Variants in SLC31A1 observed in about 807,000 individuals in gnomAD.
The protein encoded by SLC31A1 is high affinity copper uptake protein 1.
Under a neutral mutation model 17.2 loss-of-function variants are expected in SLC31A1, and 5 were observed. The ratio of observed to expected loss-of-function variants is 0.29; its 90% CI spans 0.15 to 0.61. The LOEUF is 0.61. SLC31A1 is among the 20% of genes least tolerant of loss of function. SLC31A1 has a pLI of 0.86. For synonymous variants in SLC31A1, 76 were observed against 78.8 expected (o/e 0.96, Z 0.19); for missense variants, 161 against 241.4 (o/e 0.67, Z 2.21).
intron 3 of SLC31A1, among the ~76,000 whole-genome samples, chr9:113,257,624 T>TA (rs1185821849): frequency 6.6e-6 from 1 of 151,858 alleles, no homozygotes; most frequent in African/African-American, 2.4e-5. Context: ...TAGCTGGAGT[T>TA]AAACAGGCAC....
intron 1 of SLC31A1, among the ~76,000 whole-genome samples, chr9:113,241,166 C>T (rs549203731): frequency 2.0e-5 from 3 of 152,044 alleles, no homozygotes; most frequent in East Asian, 3.9e-4. Flanking sequence ...CTGTAACAGA[C>T]TTAAATGCCA....
chr9:113,261,549 C>G lies in SLC31A1; in HGVS notation c.*1076C>G, dbSNP rs888381238. 5.2e-5 allele frequency: 8 copies of G among 152,634 alleles called. No individual in the cohort carries two copies. The highest frequency in any genetic ancestry group is 1.7e-4 in the African/African-American group (7 of 41,464). 9.5% of individuals were successfully genotyped at this position (152,634 alleles called of 1,614,324 possible). ...TTTAAATAAAACCATTCACAGTTTACTTTGTCTTGATACCTTGGTTTGTCC... is the reference window on the plus strand; with the variant it reads ...TTTAAATAAAACCATTCACAGTTTAGTTTGTCTTGATACCTTGGTTTGTCC... On this transcript the variant is annotated 3_prime_UTR_variant, in exon 5 of 5. Coordinates refer to ENST00000374212, the MANE Select transcript of SLC31A1 (RefSeq NM_001859.4).
chr9:113,238,114 TC>T (rs1831483353), intron 1 of SLC31A1, among the ~76,000 whole-genome samples: 2 of 152,214 alleles, frequency 1.3e-5, no homozygotes, highest in African/African-American at 4.8e-5. Context: ...ATAGATGTTA[TC>T]TCCATGTTTC....
intron 1 of SLC31A1, among the ~76,000 whole-genome samples, chr9:113,237,415 T>C (rs1329069144): frequency 1.3e-5 from 2 of 152,164 alleles, no homozygotes; most frequent in African/African-American, 2.4e-5. Context: ...TCAACAGGAA[T>C]AGGTCTACGT....
chr9:113,246,513 G>T, intron 1 of SLC31A1, among the ~76,000 whole-genome samples: 1 of 151,668 alleles, frequency 6.6e-6, no homozygotes, highest in Non-Finnish European at 1.5e-5. Context: ...CACCACGCCC[G>T]GCTAATTTTT....
intron 2 of SLC31A1, 145 bp downstream of exon 2, chr9:113,256,422 C>A: frequency 4.7e-6 from 4 of 852,682 alleles, no homozygotes; most frequent in Non-Finnish European, 7.1e-6. Flanking sequence ...CAAGTCAAGT[C>A]ATTTGCTCCA....
intron 1 of SLC31A1, among the ~76,000 whole-genome samples, chr9:113,242,635 G>C (rs1831534444): frequency 6.6e-6 from 1 of 151,948 alleles, no homozygotes; most frequent in South Asian, 2.1e-4. Flanking sequence ...AAACTCCTGG[G>C]CTCATGTAAT....
At position 113,257,174 on chromosome 9, in the gene SLC31A1, A is replaced by G. The variant is rs777108607; in HGVS notation, c.191A>G (p.Asn64Ser). 2.5e-6 allele frequency: 4 copies of G among 1,613,564 alleles called. No homozygotes were observed. Among genetic ancestry groups the G allele is most frequent in the East Asian group, 2.2e-5 (1 of 44,876 alleles). The change falls in exon 3 of 5, where the codon AAT becomes AGT. Residue 64 changes from asparagine to serine, a missense_variant. Coordinates refer to ENST00000374212, the MANE Select transcript of SLC31A1 (RefSeq NM_001859.4). ...CTACTGTTTTCCGGTTTGGTGATCA[A>G]TACAGCTGGAGGTGAGTAAGCCATT... ...VELLFSGLVI[N>S]TAGEMAGAFV... is the part of the protein sequence containing the mutation.
At chr9:113,242,196 A>C (rs1021703471) in intron 1 of SLC31A1, among the ~76,000 whole-genome samples, 6 of 152,242 alleles carry the variant, frequency 3.9e-5, no homozygotes, top group Non-Finnish European at 8.8e-5. Context: ...CTCAAAAAAA[A>C]AAAACTAGAC....
chr9:113,224,755 C>G lies in SLC31A1; in HGVS notation c.-36+3077C>G, dbSNP rs79761064. 1.7e-4 allele frequency among the ~76,000 whole-genome samples: 26 copies of G among 152,266 alleles called. 1 individual carries two copies. In the East Asian group the frequency reaches 3.7e-3, roughly 21 times the overall value. The stretch of plus-strand genomic sequence containing the variant: ...GTGTGCTCACTTTTATCTGGTCTTT[C>G]GAAAGCATTCAGTGTGGTGTTTTAG... On this transcript the variant is annotated intron_variant, in intron 1 of 4. Transcript: ENST00000374212.
At chr9:113,241,768 A>T (rs1831524141) in intron 1 of SLC31A1, among the ~76,000 whole-genome samples, 1 of 152,236 alleles carries the variant, frequency 6.6e-6, no homozygotes, top group Non-Finnish European at 1.5e-5. Flanking sequence ...GTTGATAAAG[A>T]TGAGAAGGAA....
intron 1 of SLC31A1, among the ~76,000 whole-genome samples, chr9:113,255,315 CA>C (rs1370529814): frequency 6.6e-6 from 1 of 152,198 alleles, no homozygotes; most frequent in Non-Finnish European, 1.5e-5. Context: ...TAATGGCATT[CA>C]TTTGTATCTT....
chr9:113,260,378 C>G lies in SLC31A1; in HGVS notation c.478C>G (p.Leu160Val), dbSNP rs889486917. 2 of 1,614,188 alleles carry G rather than the reference C, an allele frequency of 1.2e-6. No individual in the cohort carries two copies. The highest frequency in any genetic ancestry group is 3.3e-5 in the Admixed American group (2 of 60,020). Reference sequence around the variant, plus strand: ...CATCTTCATGACCTACAACGGGTACCTCTGCATTGCAGTAGCAGCAGGGGC... The same window carrying G: ...CATCTTCATGACCTACAACGGGTACGTCTGCATTGCAGTAGCAGCAGGGGC... ...MLIFMTYNGY[L>V]CIAVAAGAGT... The change falls in exon 5 of 5, where the codon CTC becomes GTC. Residue 160 changes from leucine to valine, a missense_variant. Physicochemically the swap from Leu to Val is conservative, Grantham distance 32. Coordinates refer to ENST00000374212, the MANE Select transcript of SLC31A1 (RefSeq NM_001859.4).
chr9:113,261,020 G>A lies in SLC31A1; in HGVS notation c.*547G>A, dbSNP rs1342501794. The A allele has an allele frequency of 1.1e-5, 2 of 189,444 alleles. No homozygotes were observed. Among genetic ancestry groups the A allele is most frequent in the East Asian group, 1.3e-4 (1 of 7,698 alleles). 11.7% of individuals were successfully genotyped at this position (189,444 alleles called of 1,614,324 possible). A position where few individuals can be genotyped will look rare whatever the true frequency, so the allele number is the denominator to read the frequency against. On this transcript the variant is annotated 3_prime_UTR_variant, in exon 5 of 5. Coordinates refer to ENST00000374212, the MANE Select transcript of SLC31A1 (RefSeq NM_001859.4). ...CCATGCCTGTAATCCCAGCACTTTG[G>A]GGGGCCAAGGCAGGCTGGATCACCT... is the stretch of plus-strand genomic sequence containing the variant.
At chr9:113,234,042 A>C (rs1831427502) in intron 1 of SLC31A1, among the ~76,000 whole-genome samples, 1 of 152,040 alleles carries the variant, frequency 6.6e-6, no homozygotes, top group Non-Finnish European at 1.5e-5. Context: ...TGTTCTGTTA[A>C]CCCATCTGTC....
intron 1 of SLC31A1, chr9:113,227,781 GACAAGGAGGACCATTGTCT>G (rs1564202999): frequency 6.6e-6 from 1 of 152,106 alleles, no homozygotes. Flanking sequence ...GCAAAGTTTA[GACAAGGAGGACCATTGTCT>G]ACATTTGATT....
chr9:113,246,234 G>A (rs1204328097), intron 1 of SLC31A1, among the ~76,000 whole-genome samples: 5 of 151,782 alleles, frequency 3.3e-5, no homozygotes, highest in South Asian at 2.1e-4. Context: ...TAGTACAGAC[G>A]AGGTTTCACC....
intron 3 of SLC31A1, 147 bp downstream of exon 3, chr9:113,257,332 T>A: frequency 1.3e-6 from 1 of 754,014 alleles, no homozygotes; most frequent in Non-Finnish European, 2.3e-6. Flanking sequence ...ATTTCCTACC[T>A]AGAAGGTAGG....
intron 1 of SLC31A1, among the ~76,000 whole-genome samples, chr9:113,252,186 ATAAT>A (rs1330966757): frequency 6.6e-6 from 1 of 152,202 alleles, no homozygotes. Context: ...AGGGACCTGA[ATAAT>A]TAAGAACCTG....
Sources: gnomAD v4.1 joint callset for allele counts (sites outside exome capture counted in the v4.1 genomes callset) on GRCh38, gnomAD v4.1.1 for gene constraint, MANE v1.5 for transcripts, NCBI Gene and HGNC (gene_info 2026-07-23, HGNC 2026-07-21) for gene names.